RPS6KA5: variants seen among roughly 807,000 people sequenced by gnomAD.
The protein encoded by RPS6KA5 is ribosomal protein S6 kinase A5.
In RPS6KA5, 27 loss-of-function variants were observed where a neutral mutation model predicts 85.5. That is an observed-to-expected ratio of 0.32 (90% CI 0.23 to 0.44). The LOEUF is 0.44. RPS6KA5 is among the 20% of genes least tolerant of loss of function. The probability of loss-of-function intolerance (pLI) is 1.00; values close to 1 mark genes in which losing one functional copy is unlikely to be tolerated. For synonymous variants in RPS6KA5, 334 were observed against 348.2 expected (o/e 0.96, Z 0.46); for missense variants, 811 against 980.9 (o/e 0.83, Z 2.31).
In RPS6KA5 at chr14:90,856,058, T is replaced by G. The variant is rs994976795; in HGVS notation, c.*16016A>C. On this transcript the variant is annotated 3_prime_UTR_variant, in exon 17 of 17. Coordinates refer to ENST00000614987, the MANE Select transcript of RPS6KA5 (RefSeq NM_004755.4). ...GATACAAGTAATGATAAGCTGGATA[T>G]GATCACCATGGAAACATACAGCACT... The G allele has an allele frequency of 6.6e-6, 1 of 152,222 alleles. No homozygotes were observed. Among genetic ancestry groups the G allele is most frequent in the Non-Finnish European group, 1.5e-5 (1 of 68,048 alleles). The allele number at this position is 152,222 out of a possible 1,614,324, so 9.4% of individuals were successfully genotyped here.
intron 2 of RPS6KA5, 45 bp from the exon 3 acceptor site, chr14:90,978,569 G>A (rs1222324406): frequency 2.8e-6 from 4 of 1,412,628 alleles, no homozygotes; most frequent in African/African-American, 1.5e-5. Context: ...ATGCTACACA[G>A]GCAAAATGGT....
chr14:90,949,264 C>T (rs757511204), intron 3 of RPS6KA5, among the ~76,000 whole-genome samples: 1 of 152,186 alleles, frequency 6.6e-6, no homozygotes, highest in Non-Finnish European at 1.5e-5. Context: ...GTGACAAACT[C>T]CTACATAGCC....
At position 90,938,273 on chromosome 14, in the gene RPS6KA5, T is replaced by C. The variant is rs770879930; in HGVS notation, c.618+4805A>G. ...CGCTGATGCAAGAGGTAGGCTCCCA[T>C]AGCCTTGGGCAGCTCCGCCCCTGTG... is the stretch of plus-strand genomic sequence containing the variant. On this transcript the variant is annotated intron_variant, in intron 5 of 16. Transcript: ENST00000614987. Among the ~76,000 whole-genome samples the C allele has an allele frequency of 9.2e-5, 14 of 152,342 alleles. 1 individual carries two copies. Among genetic ancestry groups the C allele is most frequent in the Middle Eastern group, 6.8e-3 (2 of 294 alleles).
chr14:90,905,934 G>GA (rs1433639822), intron 8 of RPS6KA5, among the ~76,000 whole-genome samples: 1 of 152,052 alleles, frequency 6.6e-6, no homozygotes, highest in Non-Finnish European at 1.5e-5. Context: ...CATTGAGGGA[G>GA]AAAAATACCA....
At chr14:91,056,201 G>C (rs563107502) in intron 1 of RPS6KA5, among the ~76,000 whole-genome samples, 65 of 152,236 alleles carry the variant, frequency 4.3e-4, no homozygotes, top group African/African-American at 1.4e-3. Context: ...TCAATGTTAG[G>C]CTCTCTCTCC....
At chr14:91,048,784 C>T (rs1407332102) in intron 1 of RPS6KA5, among the ~76,000 whole-genome samples, 2 of 152,200 alleles carry the variant, frequency 1.3e-5, no homozygotes, top group Non-Finnish European at 2.9e-5. Flanking sequence ...ACCCCTCCCT[C>T]CCACAGCACT....
chr14:91,002,512 T>C (rs981570988), intron 1 of RPS6KA5, among the ~76,000 whole-genome samples: 1 of 152,160 alleles, frequency 6.6e-6, no homozygotes, highest in Non-Finnish European at 1.5e-5. Flanking sequence ...TAAGTGTTTG[T>C]AAATAAATTA....
At chr14:91,042,435 T>C (rs1224187393) in intron 1 of RPS6KA5, among the ~76,000 whole-genome samples, 12 of 152,058 alleles carry the variant, frequency 7.9e-5, no homozygotes, top group Admixed American at 6.6e-5. Context: ...TTCTTAAACC[T>C]GGGAGGCAGA....
intron 6 of RPS6KA5, 53 bp downstream of exon 6, chr14:90,923,060 C>T: frequency 7.5e-7 from 1 of 1,341,884 alleles, no homozygotes; most frequent in Non-Finnish European, 1.1e-6. Flanking sequence ...AACTAGGATT[C>T]TTATAGTACA....
Position 91,042,848 on chromosome 14 carries a change from G to C in RPS6KA5, c.103+17484C>G, listed in dbSNP as rs560822016. ...GCTATGAAACTGTAGTACTAGGCTA[G>C]GTCCAGCCTAGTAATACTTAAGCAC... is the stretch of plus-strand genomic sequence containing the variant. On this transcript the variant is annotated intron_variant, in intron 1 of 16. Transcript: ENST00000614987. Among the ~76,000 whole-genome samples the C allele has an allele frequency of 1.1e-4, 17 of 152,128 alleles. No individual in the cohort carries two copies. The South Asian group carries it at 3.5e-3, about 32-fold the overall frequency.
intron 5 of RPS6KA5, among the ~76,000 whole-genome samples, chr14:90,925,775 T>TA (rs2036624396): frequency 1.4e-5 from 2 of 144,328 alleles, no homozygotes; most frequent in South Asian, 2.2e-4. Context: ...TACAAAAAAA[T>TA]TAAAAAAAAA....
chr14:90,896,276 T>C (rs2034830264), intron 12 of RPS6KA5, among the ~76,000 whole-genome samples: 1 of 152,240 alleles, frequency 6.6e-6, no homozygotes, highest in Non-Finnish European at 1.5e-5. Flanking sequence ...CGAACAGATT[T>C]AGAGTTCAAC....
intron 3 of RPS6KA5, among the ~76,000 whole-genome samples, chr14:90,976,699 T>C (rs560121258): frequency 2.0e-5 from 3 of 152,248 alleles, no homozygotes; most frequent in South Asian, 4.1e-4. Context: ...CCAAATTATA[T>C]TGACTCACTG....
chr14:90,881,629 T>C (rs945017220), intron 14 of RPS6KA5, among the ~76,000 whole-genome samples: 10 of 151,880 alleles, frequency 6.6e-5, no homozygotes, highest in African/African-American at 2.4e-4. Flanking sequence ...GCCTCCTGAG[T>C]AGCTGGGATT....
chr14:90,949,917 C>T (rs1045025153), intron 3 of RPS6KA5, among the ~76,000 whole-genome samples: 1 of 152,092 alleles, frequency 6.6e-6, no homozygotes, highest in Non-Finnish European at 1.5e-5. Flanking sequence ...CTTGACAGCC[C>T]AAGGTAAAGA....
chr14:90,998,370 G>C (rs1299962484), intron 2 of RPS6KA5, among the ~76,000 whole-genome samples: 3 of 152,190 alleles, frequency 2.0e-5, no homozygotes, highest in Non-Finnish European at 2.9e-5. Context: ...TGGTACGTGA[G>C]TTATATCTCA....
chr14:90,994,868 G>C (rs909951057), intron 2 of RPS6KA5, among the ~76,000 whole-genome samples: 1 of 151,788 alleles, frequency 6.6e-6, no homozygotes, highest in South Asian at 2.1e-4. Flanking sequence ...CACCGCACAC[G>C]GCTGGTGTTT....
chr14:91,052,484 A>C (rs1273471634), intron 1 of RPS6KA5: 2 of 221,094 alleles, frequency 9.0e-6, no homozygotes, highest in Non-Finnish European at 1.7e-5. Context: ...AAAAAAAAAA[A>C]CAGATTTACT....
chr14:90,965,880 G>A (rs1409930766), intron 3 of RPS6KA5, among the ~76,000 whole-genome samples: 1 of 152,148 alleles, frequency 6.6e-6, no homozygotes, highest in African/African-American at 2.4e-5. Flanking sequence ...CTCAAAAGAA[G>A]GTAGGGCTCA....
Sources: allele counts gnomAD v4.1 joint callset (sites outside exome capture counted in the v4.1 genomes callset), GRCh38; gene constraint gnomAD v4.1.1; transcripts MANE v1.5; gene names NCBI Gene and HGNC (gene_info 2026-07-23, HGNC 2026-07-21).